The following PAK5 variants were observed in gnomAD, a reference collection of about 807,000 sequenced individuals.
PAK5 encodes p21 (RAC1) activated kinase 5, also known as serine/threonine-protein kinase PAK 5.
Under a neutral mutation model 65.9 loss-of-function variants are expected in PAK5, and 16 were observed. That is an observed-to-expected ratio of 0.24 (90% CI 0.16 to 0.37). The LOEUF (loss-of-function observed/expected upper bound fraction) is 0.37. PAK5 is among the 10% of genes least tolerant of loss of function. The pLI is 1.00. For missense variants in PAK5, 785 were observed against 903.9 expected, an observed-to-expected ratio of 0.87 and a Z score of 1.69; for synonymous variants, 371 against 354.9, an observed-to-expected ratio of 1.05 and a Z score of -0.51.
At chr20:9,672,177 T>A (rs1278351393) in intron 2 of PAK5, among the ~76,000 whole-genome samples, 1 of 151,852 alleles carries the variant, frequency 6.6e-6, no homozygotes, top group African/African-American at 2.4e-5. Flanking sequence ...ACGCATCAAT[T>A]TTTAAAATAA....
At chr20:9,561,113 A>C (rs1456467851) in intron 6 of PAK5, among the ~76,000 whole-genome samples, 5 of 151,954 alleles carry the variant, frequency 3.3e-5, no homozygotes, top group African/African-American at 1.2e-4. Context: ...CCAAGTATTC[A>C]TGGTGTTCCT....
At chr20:9,797,532 A>C (rs938212150) in intron 1 of PAK5, among the ~76,000 whole-genome samples, 2 of 150,848 alleles carry the variant, frequency 1.3e-5, no homozygotes, top group African/African-American at 4.9e-5. Context: ...GCATTAGGAG[A>C]CATACCTAAT....
chr20:9,581,893 A>G (rs998327368), intron 3 of PAK5, among the ~76,000 whole-genome samples: 2 of 152,330 alleles, frequency 1.3e-5, no homozygotes, highest in East Asian at 3.9e-4. Context: ...AGCAAGTAGC[A>G]AGGAGTTCAA....
At chr20:9,671,271 C>G (rs1463190065) in intron 2 of PAK5, among the ~76,000 whole-genome samples, 1 of 152,070 alleles carries the variant, frequency 6.6e-6, no homozygotes, top group Non-Finnish European at 1.5e-5. Context: ...TTTTTTCATT[C>G]CATATGAACT....
At chr20:9,574,666 A>G (rs1332605713) in intron 4 of PAK5, among the ~76,000 whole-genome samples, 1 of 152,232 alleles carries the variant, frequency 6.6e-6, no homozygotes, top group Non-Finnish European at 1.5e-5. Flanking sequence ...AAGAGCATTC[A>G]TGGGAAGAAG....
intron 1 of PAK5, among the ~76,000 whole-genome samples, chr20:9,817,967 C>T (rs1405243612): frequency 6.6e-6 from 1 of 152,164 alleles, no homozygotes; most frequent in Non-Finnish European, 1.5e-5. Context: ...CACATAAAAT[C>T]CAGCTTTTAT....
At chr20:9,682,983 G>A (rs1338996522) in intron 2 of PAK5, among the ~76,000 whole-genome samples, 2 of 152,198 alleles carry the variant, frequency 1.3e-5, no homozygotes, top group African/African-American at 4.8e-5. Context: ...AGGGTGCTAG[G>A]ACTTAAAACT....
At chr20:9,677,718 T>A (rs2047593637) in intron 2 of PAK5, among the ~76,000 whole-genome samples, 1 of 152,226 alleles carries the variant, frequency 6.6e-6, no homozygotes, top group Non-Finnish European at 1.5e-5. Flanking sequence ...GATATTTTCC[T>A]AAATTATGCA....
At chr20:9,772,169 C>A (rs1029191332) in intron 1 of PAK5, among the ~76,000 whole-genome samples, 12 of 152,126 alleles carry the variant, frequency 7.9e-5, no homozygotes, top group African/African-American at 2.9e-4. Context: ...TTAAATTTAA[C>A]CTCTAGTGAA....
chr20:9,544,252 C>T (rs2045309647), intron 8 of PAK5, 117 bp downstream of exon 8: 2 of 1,121,620 alleles, frequency 1.8e-6, no homozygotes, highest in South Asian at 2.9e-5. Context: ...GAGTGGGGAT[C>T]AAATGTGGAG....
intron 1 of PAK5, among the ~76,000 whole-genome samples, chr20:9,721,209 C>A (rs561658037): frequency 6.6e-6 from 1 of 152,198 alleles, no homozygotes; most frequent in East Asian, 1.9e-4. Flanking sequence ...AAGGATTAAA[C>A]CCTGGATATA....
At chr20:9,732,514 TC>T (rs2048344927) in intron 1 of PAK5, among the ~76,000 whole-genome samples, 1 of 152,238 alleles carries the variant, frequency 6.6e-6, no homozygotes, top group Admixed American at 6.5e-5. Flanking sequence ...TTAGTCTACA[TC>T]CTTCCAGGTT....
At chr20:9,616,793 G>T (rs1002312689) in intron 3 of PAK5, among the ~76,000 whole-genome samples, 1 of 152,230 alleles carries the variant, frequency 6.6e-6, no homozygotes, top group East Asian at 1.9e-4. Flanking sequence ...AGAGTCTAAG[G>T]ATAGAAGTCC....
rs534550693 is a variant in PAK5, at chr20:9,746,836, G to A, written c.-161-35401C>T. On this transcript the variant is annotated intron_variant, in intron 1 of 9. Coordinates refer to ENST00000353224, the MANE Select transcript of PAK5 (RefSeq NM_177990.4). ...AGAATGCAAGAAATAACTAAAATCA[G>A]AGCAGAACTGAAGGAAATAGAGACA... 1.2e-3 allele frequency among the ~76,000 whole-genome samples: 176 copies of A among 152,178 alleles called. 2 individuals carry two copies. The highest frequency in any genetic ancestry group is 3.8e-3 in the African/African-American group (157 of 41,516).
At chr20:9,776,182 G>A (rs1465240860) in intron 1 of PAK5, among the ~76,000 whole-genome samples, 1 of 152,164 alleles carries the variant, frequency 6.6e-6, no homozygotes, top group Non-Finnish European at 1.5e-5. Flanking sequence ...GACAGATGAG[G>A]AAACTGAGGC....
chr20:9,817,224 A>G (rs1180391357), intron 1 of PAK5, among the ~76,000 whole-genome samples: 1 of 152,234 alleles, frequency 6.6e-6, no homozygotes, highest in Non-Finnish European at 1.5e-5. Flanking sequence ...TCAAAACTAC[A>G]ATTTCAAGCT....
chr20:9,622,788 C>T (rs553501082), intron 3 of PAK5, among the ~76,000 whole-genome samples: 1 of 152,306 alleles, frequency 6.6e-6, no homozygotes, highest in South Asian at 2.1e-4. Flanking sequence ...CTGAAACCAT[C>T]CGCACCCCTG....
intron 1 of PAK5, among the ~76,000 whole-genome samples, chr20:9,821,397 G>T (rs1442279463): frequency 1.3e-5 from 2 of 151,970 alleles, no homozygotes; most frequent in Non-Finnish European, 2.9e-5. Flanking sequence ...AAAAAAAGAT[G>T]ATGAGTTTCT....
At chr20:9,717,197 G>C (rs1325918072) in intron 1 of PAK5, among the ~76,000 whole-genome samples, 1 of 152,096 alleles carries the variant, frequency 6.6e-6, no homozygotes, top group Non-Finnish European at 1.5e-5. Context: ...AAAAGGTACA[G>C]ATGTCAATTA....
Sources: gnomAD v4.1 joint callset for allele counts (sites outside exome capture counted in the v4.1 genomes callset) on GRCh38, gnomAD v4.1.1 for gene constraint, MANE v1.5 for transcripts, NCBI Gene and HGNC (gene_info 2026-07-23, HGNC 2026-07-21) for gene names.